The following NHEJ1 variants were observed in gnomAD, a reference collection of about 807,000 sequenced individuals.
NHEJ1 encodes the protein non-homologous end-joining factor 1.
In NHEJ1, 22 loss-of-function variants were observed where a neutral mutation model predicts 39.4. That is an observed-to-expected ratio of 0.56 (90% CI 0.40 to 0.80). NHEJ1 has a LOEUF of 0.80. NHEJ1 is among the 30% of genes least tolerant of loss of function. NHEJ1 has a pLI of 0.00. For missense variants in NHEJ1, 329 were observed against 357.1 expected (o/e 0.92, Z 0.63); for synonymous variants, 154 against 135.6 (o/e 1.14, Z -0.94).
chr2:219,094,787 G>C (rs892831179), intron 5 of NHEJ1, among the ~76,000 whole-genome samples: 9 of 152,114 alleles, frequency 5.9e-5, no homozygotes, highest in Admixed American at 2.0e-4. Flanking sequence ...GGCACAAACA[G>C]GCAGCCCTGA....
rs765605992 is a variant in NHEJ1 at position 219,147,813 on chromosome 2, T to C, written c.391-18A>G. On this transcript the variant is annotated intron_variant, in intron 3 of 7. Coordinates refer to ENST00000356853, the MANE Select transcript of NHEJ1 (RefSeq NM_024782.3). The stretch of plus-strand genomic sequence containing the variant: ...TGGGAGACCTTTGAGGGAAGAGATA[T>C]CAATTAGCCAAAAGACTCTTATAAA... 5.6e-6 allele frequency: 9 copies of C among 1,613,884 alleles called. No individual in the cohort carries two copies. The South Asian group carries it at 6.6e-5, about 12-fold the overall frequency.
intron 5 of NHEJ1, among the ~76,000 whole-genome samples, chr2:219,087,429 T>C (rs1949121628): frequency 6.6e-6 from 1 of 151,868 alleles, no homozygotes; most frequent in Admixed American, 6.6e-5. Context: ...CAACTGGGTG[T>C]GTAGGGCACA....
chr2:219,089,613 G>A (rs1444767689), intron 5 of NHEJ1, among the ~76,000 whole-genome samples: 2 of 152,150 alleles, frequency 1.3e-5, no homozygotes, highest in Non-Finnish European at 2.9e-5. Context: ...AAATAGGTAT[G>A]GCATTTATTT....
In NHEJ1 at chr2:219,146,028, G is replaced by A. The variant is rs374076857; in HGVS notation, c.588+652C>T. ...TCACAGAAGAGGGAGGGAAGGAGAA[G>A]ATCAATATTGACTGGCATTATCAAA... is the stretch of plus-strand genomic sequence containing the variant. On this transcript the variant is annotated intron_variant, in intron 5 of 7. Transcript: ENST00000356853. Among the ~76,000 whole-genome samples, 7 of 151,664 alleles carry A rather than the reference G, an allele frequency of 4.6e-5. No homozygotes were observed. The East Asian group carries it at 1.4e-3, about 29-fold the overall frequency.
intron 5 of NHEJ1, among the ~76,000 whole-genome samples, chr2:219,109,209 G>T (rs923997263): frequency 6.6e-6 from 1 of 152,016 alleles, no homozygotes; most frequent in African/African-American, 2.4e-5. Context: ...CTCATTTTGG[G>T]GTTCATTTGG....
chr2:219,102,843 A>C (rs2106334306), intron 5 of NHEJ1: 1 of 150,904 alleles, frequency 6.6e-6, no homozygotes, highest in Middle Eastern at 3.4e-3. Context: ...GTCTCTACTA[A>C]AAATACAAAA....
intron 5 of NHEJ1, among the ~76,000 whole-genome samples, chr2:219,110,357 A>AAT (rs1383915498): frequency 3.3e-5 from 5 of 151,818 alleles, no homozygotes; most frequent in Middle Eastern, 3.4e-3. Context: ...CTCTACAAAA[A>AAT]ATATATATAT....
Position 219,159,522 on chromosome 2 carries a change from TATGC to T in NHEJ1, c.1-1164_1-1161del, listed in dbSNP as rs1206955649. Among the ~76,000 whole-genome samples the T allele has an allele frequency of 2.1e-3, 50 of 23,964 alleles. 3 individuals are homozygous for T. Among genetic ancestry groups the T allele is most frequent in the African/African-American group, 4.5e-3 (45 of 9,892 alleles). 15.7% of individuals were successfully genotyped at this position (23,964 alleles called of 152,430 possible). A position where few individuals can be genotyped will look rare whatever the true frequency, so the allele number is the denominator to read the frequency against. ...GACTTGTGACATAACTTTATATATATATGCATATATATATGCATATATATATATG... is the reference window on the plus strand; with the variant it reads ...GACTTGTGACATAACTTTATATATATATATATATATGCATATATATATATG... On this transcript the variant is annotated intron_variant, in intron 1 of 7. Coordinates refer to ENST00000356853, the MANE Select transcript of NHEJ1 (RefSeq NM_024782.3).
intron 5 of NHEJ1, among the ~76,000 whole-genome samples, chr2:219,095,822 G>A (rs983419372): frequency 6.6e-6 from 1 of 152,056 alleles, no homozygotes; most frequent in Non-Finnish European, 1.5e-5. Flanking sequence ...AAAAGCTGGC[G>A]AAGCAATAAA....
intron 5 of NHEJ1, among the ~76,000 whole-genome samples, chr2:219,112,316 A>C (rs1395304949): frequency 6.6e-6 from 1 of 152,220 alleles, no homozygotes; most frequent in Non-Finnish European, 1.5e-5. Context: ...AAGGAACCCC[A>C]GTTTCCTCAT....
At chr2:219,089,695 A>C (rs1372053688) in intron 5 of NHEJ1, among the ~76,000 whole-genome samples, 3 of 152,204 alleles carry the variant, frequency 2.0e-5, no homozygotes, top group Non-Finnish European at 4.4e-5. Flanking sequence ...CACTAAAACC[A>C]CTGAATTGTA....
At chr2:219,103,528 G>T (rs1316887998) in intron 5 of NHEJ1, among the ~76,000 whole-genome samples, 1 of 152,026 alleles carries the variant, frequency 6.6e-6, no homozygotes, top group Non-Finnish European at 1.5e-5. Flanking sequence ...CGTCCGCCTC[G>T]GCCTCCCAAA....
intron 5 of NHEJ1, among the ~76,000 whole-genome samples, chr2:219,133,882 C>T (rs1949600805): frequency 6.6e-6 from 1 of 152,244 alleles, no homozygotes; most frequent in African/African-American, 2.4e-5. Flanking sequence ...CTTGGCTCAA[C>T]TCCACAGGTC....
chr2:219,146,868 C>G lies in NHEJ1; in HGVS notation c.530-130G>C, dbSNP rs1949746353. On this transcript the variant is annotated intron_variant, in intron 4 of 7. Transcript: ENST00000356853. ...GTGCATCATGCAGAGACACCTAGTT[C>G]AGTGGGAGAAGAAGGGCTGAGAGCA... 6.8e-6 allele frequency: 5 copies of G among 730,924 alleles called. No individual in the cohort carries two copies. The South Asian group carries it at 7.5e-5, about 11-fold the overall frequency. The allele number at this position is 730,924 out of a possible 1,614,324, so 45.3% of individuals were successfully genotyped here.
chr2:219,147,594 T>C, intron 4 of NHEJ1, 63 bp downstream of exon 4: 1 of 1,608,654 alleles, frequency 6.2e-7, no homozygotes, highest in Non-Finnish European at 8.5e-7. Flanking sequence ...TCTCCCTCTT[T>C]GCTAAGACCC....
At chr2:219,155,204 C>T (rs1949841616) in intron 3 of NHEJ1, among the ~76,000 whole-genome samples, 1 of 151,274 alleles carries the variant, frequency 6.6e-6, no homozygotes, top group Non-Finnish European at 1.5e-5. Flanking sequence ...ATGGTTTGGT[C>T]CCAGAACAAA....
chr2:219,077,544 G>T (rs1486286063), intron 6 of NHEJ1, among the ~76,000 whole-genome samples, 180 bp from the exon 7 acceptor site: 1 of 152,158 alleles, frequency 6.6e-6, no homozygotes, highest in Non-Finnish European at 1.5e-5. Flanking sequence ...CTGCTATGAA[G>T]ATCTCCCCAG....
intron 5 of NHEJ1, among the ~76,000 whole-genome samples, chr2:219,121,190 GA>G (rs1374057603): frequency 6.7e-6 from 1 of 148,462 alleles, no homozygotes; most frequent in Non-Finnish European, 1.5e-5. Context: ...TGGGCAACAA[GA>G]GCAAAACTCT....
At chr2:219,117,397 T>C (rs1254879260) in intron 5 of NHEJ1, among the ~76,000 whole-genome samples, 3 of 152,202 alleles carry the variant, frequency 2.0e-5, no homozygotes, top group African/African-American at 7.2e-5. Context: ...AACAGTGAGC[T>C]ACCTTCTTGC....
Sources: gnomAD v4.1 joint callset for allele counts (sites outside exome capture counted in the v4.1 genomes callset) on GRCh38, gnomAD v4.1.1 for gene constraint, MANE v1.5 for transcripts, NCBI Gene and HGNC (gene_info 2026-07-23, HGNC 2026-07-21) for gene names.